The following FAM78B variants were observed in gnomAD, a reference collection of about 807,000 sequenced individuals.
FAM78B encodes the protein protein FAM78B.
A neutral mutation model predicts 20.0 loss-of-function variants in FAM78B; 10 were observed. That is an observed-to-expected ratio of 0.50 (90% CI 0.31 to 0.85). FAM78B has a LOEUF of 0.85. FAM78B is among the 40% of genes least tolerant of loss of function. The pLI is 0.05. For missense variants in FAM78B, 283 were observed against 345.0 expected (o/e 0.82, Z 1.42); for synonymous variants, 135 against 132.8 (o/e 1.02, Z -0.12).
At chr1:166,111,034 G>A (rs1654032207) in intron 1 of FAM78B, among the ~76,000 whole-genome samples, 1 of 152,184 alleles carries the variant, frequency 6.6e-6, no homozygotes, top group African/African-American at 2.4e-5. Context: ...CTACCATCTT[G>A]GATAACCCAG....
At chr1:166,118,077 C>T (rs1654325961) in intron 1 of FAM78B, among the ~76,000 whole-genome samples, 1 of 152,130 alleles carries the variant, frequency 6.6e-6, no homozygotes, top group South Asian at 2.1e-4. Flanking sequence ...CTCCTGGAGA[C>T]AAAGCTAGAA....
At chr1:166,109,812 A>ATGTG (rs1305897167) in intron 1 of FAM78B, among the ~76,000 whole-genome samples, 11 of 33,070 alleles carry the variant, frequency 3.3e-4, no homozygotes, top group African/African-American at 8.1e-4. Context: ...ATATGTATAT[A>ATGTG]TGTATATATA....
intron 2 of FAM78B, among the ~76,000 whole-genome samples, chr1:166,061,001 C>A (rs1164362509): frequency 6.6e-6 from 1 of 152,158 alleles, no homozygotes; most frequent in Admixed American, 6.5e-5. Context: ...TGTTTTTTAG[C>A]ATCCAAAGCA....
At chr1:166,117,335 C>T (rs1654298306) in intron 1 of FAM78B, among the ~76,000 whole-genome samples, 1 of 152,130 alleles carries the variant, frequency 6.6e-6, no homozygotes, top group East Asian at 1.9e-4. Flanking sequence ...AACAGACTTC[C>T]AAATAGCACA....
intron 1 of FAM78B, among the ~76,000 whole-genome samples, chr1:166,074,150 G>C (rs1463201206): frequency 6.6e-6 from 1 of 152,152 alleles, no homozygotes; most frequent in African/African-American, 2.4e-5. Context: ...TTTCTATATG[G>C]ACATCGTTGG....
intron 1 of FAM78B, among the ~76,000 whole-genome samples, chr1:166,088,562 G>A (rs1185255542): frequency 6.6e-6 from 1 of 152,134 alleles, no homozygotes; most frequent in African/African-American, 2.4e-5. Context: ...TTCTTGCAGA[G>A]CTGCCATGTG....
chr1:166,117,658 GGGTTTTATA>G (rs1654309657), intron 1 of FAM78B, among the ~76,000 whole-genome samples: 1 of 152,192 alleles, frequency 6.6e-6, no homozygotes, highest in Non-Finnish European at 1.5e-5. Context: ...GCAGACCTAT[GGGTTTTATA>G]GGTACATGGA....
intron 1 of FAM78B, among the ~76,000 whole-genome samples, chr1:166,071,151 T>C (rs2101710196): frequency 6.6e-6 from 1 of 152,250 alleles, no homozygotes; most frequent in South Asian, 2.1e-4. Flanking sequence ...TGGGAAGAAA[T>C]GATGGTTGAA....
At chr1:166,144,925 G>A in intron 1 of FAM78B, among the ~76,000 whole-genome samples, 1 of 152,130 alleles carries the variant, frequency 6.6e-6, no homozygotes, top group East Asian at 1.9e-4. Context: ...TCCATGGAAG[G>A]GAGAAGTTTG....
intron 1 of FAM78B, among the ~76,000 whole-genome samples, chr1:166,159,991 T>C (rs1571214912): frequency 6.6e-6 from 1 of 152,226 alleles, no homozygotes; most frequent in Non-Finnish European, 1.5e-5. Flanking sequence ...ATGCTCTAGA[T>C]TGGCATCCCC....
chr1:166,165,342 T>C (rs1427766427), intron 1 of FAM78B, among the ~76,000 whole-genome samples: 1 of 152,074 alleles, frequency 6.6e-6, no homozygotes, highest in Non-Finnish European at 1.5e-5. Flanking sequence ...ACGCACTCGG[T>C]GCCTTCCAGC....
intron 1 of FAM78B, among the ~76,000 whole-genome samples, chr1:166,094,137 G>A (rs1039936738): frequency 6.6e-6 from 1 of 151,898 alleles, no homozygotes; most frequent in Non-Finnish European, 1.5e-5. Context: ...CAAACAGGAA[G>A]CACCGAATGC....
intron 1 of FAM78B, among the ~76,000 whole-genome samples, chr1:166,136,866 T>A (rs1301417887): frequency 6.6e-6 from 1 of 152,182 alleles, no homozygotes; most frequent in Non-Finnish European, 1.5e-5. Flanking sequence ...GAGCTCAAGT[T>A]GCTGTGTGTT....
At chr1:166,156,338 A>G (rs1447665989) in intron 1 of FAM78B, among the ~76,000 whole-genome samples, 1 of 152,238 alleles carries the variant, frequency 6.6e-6, no homozygotes, top group Non-Finnish European at 1.5e-5. Flanking sequence ...TGATGCCCTT[A>G]AAAGTGTCCA....
chr1:166,068,746 G>A (rs1251975215), downstream of FAM78B, among the ~76,000 whole-genome samples: 1 of 152,146 alleles, frequency 6.6e-6, no homozygotes, highest in Non-Finnish European at 1.5e-5. Context: ...CAATGTGAAA[G>A]TTTTATAATT....
chr1:166,127,389 G>T (rs1003034540), intron 1 of FAM78B, among the ~76,000 whole-genome samples: 6 of 152,180 alleles, frequency 3.9e-5, no homozygotes, highest in Admixed American at 3.3e-4. Flanking sequence ...TTGAGCAGAA[G>T]GGTTTACCTA....
At chr1:166,149,089 A>G (rs1041832443) in intron 1 of FAM78B, among the ~76,000 whole-genome samples, 1 of 152,090 alleles carries the variant, frequency 6.6e-6, no homozygotes, top group Non-Finnish European at 1.5e-5. Context: ...ATTGTGAATA[A>G]TGCCGCAATA....
At chr1:166,161,586 G>A (rs1656149365) in intron 1 of FAM78B, among the ~76,000 whole-genome samples, 1 of 152,218 alleles carries the variant, frequency 6.6e-6, no homozygotes, top group Admixed American at 6.5e-5. Flanking sequence ...ACAAGAACAG[G>A]TGACAGTTAA....
chr1:166,084,205 CCACACACACACACA>C (rs374157991), intron 1 of FAM78B, among the ~76,000 whole-genome samples: 3 of 121,074 alleles, frequency 2.5e-5, no homozygotes, highest in African/African-American at 6.4e-5. Context: ...GATGTAGAAA[CCACACACACACACA>C]CACACACACA....
Sources: gnomAD v4.1 joint callset for allele counts (sites outside exome capture counted in the v4.1 genomes callset) on GRCh38, gnomAD v4.1.1 for gene constraint, MANE v1.5 for transcripts, NCBI Gene and HGNC (gene_info 2026-07-23, HGNC 2026-07-21) for gene names.